The following KDM4C variants were observed in gnomAD, a reference collection of about 807,000 sequenced individuals.
The protein encoded by KDM4C is lysine-specific demethylase 4C.
KDM4C carries 81 observed loss-of-function variants against 129.3 expected under a neutral mutation model. That is an observed-to-expected ratio of 0.63 (90% CI 0.52 to 0.75). KDM4C has a LOEUF of 0.75. Ranked by LOEUF, KDM4C falls within the 30% of genes least tolerant of loss-of-function variation. The pLI is 0.00. For synonymous variants in KDM4C, 573 were observed against 456.1 expected (o/e 1.26, Z -3.26); for missense variants, 1,457 against 1,304.0 (o/e 1.12, Z -1.81).
chr9:6,917,696 A>G (rs1820576557), intron 8 of KDM4C, among the ~76,000 whole-genome samples: 1 of 152,014 alleles, frequency 6.6e-6, no homozygotes, highest in South Asian at 2.1e-4. Flanking sequence ...CTCCATCCTC[A>G]TTCTTTGCTG....
intron 4 of KDM4C, chr9:6,835,403 C>G: frequency 8.7e-7 from 1 of 1,144,180 alleles, no homozygotes; most frequent in South Asian, 1.2e-5. Flanking sequence ...AAGGAGATCA[C>G]CGCCCTGGCG....
intron 12 of KDM4C, among the ~76,000 whole-genome samples, chr9:6,992,139 C>A (rs925235851): frequency 1.1e-4 from 17 of 151,982 alleles, no homozygotes; most frequent in African/African-American, 3.9e-4. Context: ...ATTGTAATTT[C>A]CCTTTCCCAT....
intron 8 of KDM4C, among the ~76,000 whole-genome samples, chr9:6,967,421 T>TAA (rs35054106): frequency 6.6e-4 from 82 of 125,008 alleles, no homozygotes; most frequent in South Asian, 2.4e-3. Flanking sequence ...AAGCTTCCAC[T>TAA]AAAAAAAAAA....
intron 8 of KDM4C, among the ~76,000 whole-genome samples, chr9:6,905,378 A>G (rs944507053): frequency 1.3e-5 from 2 of 152,166 alleles, no homozygotes; most frequent in East Asian, 3.8e-4. Context: ...CCAAGTGTTG[A>G]TTGTCCTGAA....
chr9:6,820,140 G>A (rs375934483), intron 4 of KDM4C, among the ~76,000 whole-genome samples: 87 of 152,292 alleles, frequency 5.7e-4, no homozygotes, highest in African/African-American at 1.9e-3. Context: ...GTGGGGTGGA[G>A]GGACAGTTGG....
intron 15 of KDM4C, among the ~76,000 whole-genome samples, chr9:7,034,719 T>C (rs1332874641): frequency 1.3e-5 from 2 of 152,214 alleles, no homozygotes; most frequent in Non-Finnish European, 2.9e-5. Context: ...TATCATGTGG[T>C]AGTTCTATTT....
At chr9:6,792,762 A>G (rs1351908453) in intron 1 of KDM4C, among the ~76,000 whole-genome samples, 2 of 152,158 alleles carry the variant, frequency 1.3e-5, no homozygotes, top group African/African-American at 2.4e-5. Flanking sequence ...TCTACCTGGC[A>G]TAGGGAACTT....
intron 3 of KDM4C, among the ~76,000 whole-genome samples, chr9:6,811,678 C>A (rs113351391): frequency 6.6e-6 from 1 of 152,158 alleles, no homozygotes; most frequent in African/African-American, 2.4e-5. Context: ...TCTGATGGAG[C>A]CCTCACAACA....
intron 14 of KDM4C, among the ~76,000 whole-genome samples, chr9:7,015,095 A>G (rs2084405116): frequency 6.6e-6 from 1 of 152,106 alleles, no homozygotes; most frequent in South Asian, 2.1e-4. Flanking sequence ...TTTCATGGAC[A>G]TGGTTAACTG....
chr9:7,086,320 C>T (rs1464744164), intron 17 of KDM4C, among the ~76,000 whole-genome samples: 1 of 152,024 alleles, frequency 6.6e-6, no homozygotes, highest in African/African-American at 2.4e-5. Context: ...TTGTGTGTCC[C>T]CTCTCATATA....
intron 17 of KDM4C, among the ~76,000 whole-genome samples, chr9:7,063,644 G>C (rs981714957): frequency 6.6e-6 from 1 of 152,188 alleles, no homozygotes; most frequent in Non-Finnish European, 1.5e-5. Context: ...CAATTGCACA[G>C]CAGTGTGAAA....
intron 1 of KDM4C, among the ~76,000 whole-genome samples, chr9:6,772,958 A>G (rs574018302): frequency 1.3e-5 from 2 of 151,632 alleles, no homozygotes; most frequent in South Asian, 4.2e-4. Context: ...GGCCTCCCCA[A>G]GTGCTAGGAT....
chr9:6,989,710 A>G (rs768137070), intron 11 of KDM4C, among the ~76,000 whole-genome samples: 131 of 152,274 alleles, frequency 8.6e-4, no homozygotes, highest in Non-Finnish European at 1.6e-3. Context: ...AAATGTTAAC[A>G]TGGGAACATC....
At chr9:6,889,617 A>G (rs897791594) in intron 7 of KDM4C, among the ~76,000 whole-genome samples, 1 of 152,176 alleles carries the variant, frequency 6.6e-6, no homozygotes, top group South Asian at 2.1e-4. Context: ...TCTCAGACAC[A>G]TCATCATCCA....
At chr9:6,731,888 C>T (rs902745885) in intron 1 of KDM4C, among the ~76,000 whole-genome samples, 4 of 152,034 alleles carry the variant, frequency 2.6e-5, no homozygotes, top group Non-Finnish European at 4.4e-5. Context: ...CTTGTCATTC[C>T]AGTTGAACAG....
At chr9:6,854,525 CAAA>C (rs1177446839) in intron 5 of KDM4C, among the ~76,000 whole-genome samples, 2 of 41,384 alleles carry the variant, frequency 4.8e-5, no homozygotes, top group Non-Finnish European at 9.0e-5. Context: ...AACTCCGTCT[CAAA>C]AAAAAAAAAA....
intron 12 of KDM4C, among the ~76,000 whole-genome samples, chr9:6,991,853 T>G (rs1320196167): frequency 1.3e-5 from 2 of 152,172 alleles, no homozygotes; most frequent in East Asian, 3.8e-4. Context: ...CTGGGCAACT[T>G]GGGGAGACCC....
intron 1 of KDM4C, among the ~76,000 whole-genome samples, chr9:6,744,674 C>CATG (rs1312378997): frequency 2.6e-5 from 4 of 152,196 alleles, no homozygotes; most frequent in African/African-American, 9.6e-5. Flanking sequence ...GGATTACAGG[C>CATG]ATGAGCTGCC....
intron 8 of KDM4C, among the ~76,000 whole-genome samples, chr9:6,899,542 G>GTGTGTGTGTGTGTGTGT (rs1554633823): frequency 6.7e-6 from 1 of 150,054 alleles, no homozygotes. Context: ...TTTCCATGGG[G>GTGTGTGTGTGTGTGTGT]GTGTGTGTGT....
Sources: allele counts gnomAD v4.1 joint callset (sites outside exome capture counted in the v4.1 genomes callset), GRCh38; gene constraint gnomAD v4.1.1; transcripts MANE v1.5; gene names NCBI Gene and HGNC (gene_info 2026-07-23, HGNC 2026-07-21).